The following GALNTL6 variants were observed in gnomAD, a reference collection of about 807,000 sequenced individuals.
The protein encoded by GALNTL6 is polypeptide N-acetylgalactosaminyltransferase like 6.
Under a neutral mutation model 73.7 loss-of-function variants are expected in GALNTL6, and 46 were observed. The ratio of observed to expected loss-of-function variants is 0.62; its 90% CI spans 0.49 to 0.80. The LOEUF (loss-of-function observed/expected upper bound fraction) is 0.80. Ranked by LOEUF, GALNTL6 falls within the 30% of genes least tolerant of loss-of-function variation. GALNTL6 has a pLI of 0.00. For synonymous variants in GALNTL6, 259 were observed against 263.7 expected (o/e 0.98, Z 0.17); for missense variants, 604 against 755.0 (o/e 0.80, Z 2.34).
intron 2 of GALNTL6, among the ~76,000 whole-genome samples, chr4:171,824,211 T>A (rs113528404): frequency 1.1e-4 from 17 of 151,486 alleles, no homozygotes; most frequent in African/African-American, 4.1e-4. Flanking sequence ...TGAGATTATA[T>A]GAAGTTCACC....
At chr4:172,788,685 A>AG (rs1739818708) in intron 5 of GALNTL6, among the ~76,000 whole-genome samples, 1 of 151,506 alleles carries the variant, frequency 6.6e-6, no homozygotes, top group African/African-American at 2.4e-5. Context: ...AAAAAAAAAA[A>AG]AAAAAAGATA....
chr4:172,273,830 C>T (rs1032266032), intron 3 of GALNTL6, among the ~76,000 whole-genome samples: 6 of 152,084 alleles, frequency 3.9e-5, no homozygotes, highest in African/African-American at 1.2e-4. Flanking sequence ...GAGCTTCTCC[C>T]GTGGGCAAAG....
chr4:172,497,239 C>A (rs1007593433), intron 5 of GALNTL6, among the ~76,000 whole-genome samples: 2 of 152,160 alleles, frequency 1.3e-5, no homozygotes, highest in African/African-American at 4.8e-5. Context: ...TTATTGAATT[C>A]AATGAAGAGT....
rs896084688 is a variant in GALNTL6 at position 172,877,314 on chromosome 4, CT to C, written c.924-5468del. On this transcript the variant is annotated intron_variant, in intron 7 of 12. Transcript: ENST00000506823. ...AGAGAAATTTTTAATTAAACTCCAC[CT>C]TTTTTTTCATTTATGGCATAAAGAG... is the stretch of plus-strand genomic sequence containing the variant. Among the ~76,000 whole-genome samples, 8 of 151,736 alleles carry C rather than the reference CT, an allele frequency of 5.3e-5. No homozygotes were observed. The South Asian group carries it at 1.7e-3, about 32-fold the overall frequency.
intron 2 of GALNTL6, among the ~76,000 whole-genome samples, chr4:171,986,653 A>C (rs1297523451): frequency 6.6e-6 from 1 of 152,036 alleles, no homozygotes; most frequent in Non-Finnish European, 1.5e-5. Context: ...TTTTGTGGTA[A>C]GGGGTGATCT....
intron 7 of GALNTL6, among the ~76,000 whole-genome samples, chr4:172,863,053 G>T (rs1744478663): frequency 6.6e-6 from 1 of 152,228 alleles, no homozygotes; most frequent in Non-Finnish European, 1.5e-5. Context: ...TGTTGAGCCT[G>T]CAGGTGCACA....
chr4:171,877,725 C>T (rs1188737332), intron 2 of GALNTL6, among the ~76,000 whole-genome samples: 2 of 151,900 alleles, frequency 1.3e-5, no homozygotes, highest in Admixed American at 6.6e-5. Context: ...TTTCCGGAAA[C>T]GGAACTGCTT....
intron 5 of GALNTL6, among the ~76,000 whole-genome samples, chr4:172,722,764 T>A (rs1320180120): frequency 6.6e-6 from 1 of 152,216 alleles, no homozygotes; most frequent in Admixed American, 6.5e-5. Flanking sequence ...AAATATATTC[T>A]TTTGAATTTG....
chr4:172,773,095 G>A (rs1738870081), intron 5 of GALNTL6, among the ~76,000 whole-genome samples: 1 of 152,184 alleles, frequency 6.6e-6, no homozygotes, highest in South Asian at 2.1e-4. Flanking sequence ...TAGTCACAAA[G>A]GGGGTTAGGA....
chr4:172,420,478 ATGAATGTAACTACATAT>A (rs1731012339), intron 5 of GALNTL6, among the ~76,000 whole-genome samples: 1 of 152,174 alleles, frequency 6.6e-6, no homozygotes, highest in Non-Finnish European at 1.5e-5. Flanking sequence ...GTGATTTAGT[ATGAATGTAACTACATAT>A]GGAGAGTAAT....
intron 5 of GALNTL6, among the ~76,000 whole-genome samples, chr4:172,582,680 G>A (rs78639004): frequency 0.073 from 11,026 of 151,532 alleles, 544 homozygotes; most frequent in East Asian, 0.21. Flanking sequence ...AGATAAAAAG[G>A]CATCACTAAA....
At chr4:172,269,540 A>G (rs1230702889) in intron 3 of GALNTL6, among the ~76,000 whole-genome samples, 2 of 152,188 alleles carry the variant, frequency 1.3e-5, no homozygotes, top group African/African-American at 2.4e-5. Flanking sequence ...AAAGAGACAC[A>G]GGAGAGAAGC....
chr4:171,923,647 C>T (rs1031823570), intron 2 of GALNTL6, among the ~76,000 whole-genome samples: 6 of 150,304 alleles, frequency 4.0e-5, no homozygotes, highest in Non-Finnish European at 8.9e-5. Flanking sequence ...ACCTTGTGAT[C>T]CACCCGCCTT....
At chr4:171,870,886 A>G (rs1374862008) in intron 2 of GALNTL6, among the ~76,000 whole-genome samples, 1 of 152,130 alleles carries the variant, frequency 6.6e-6, no homozygotes, top group Non-Finnish European at 1.5e-5. Context: ...GACCCTGCTG[A>G]TACTTCAGTC....
At chr4:171,996,272 A>G (rs1740480485) in intron 2 of GALNTL6, among the ~76,000 whole-genome samples, 1 of 152,140 alleles carries the variant, frequency 6.6e-6, no homozygotes, top group Non-Finnish European at 1.5e-5. Flanking sequence ...TTATTTTCTA[A>G]TGTGCATTTC....
At chr4:172,966,435 C>T (rs1750329366) in intron 10 of GALNTL6, among the ~76,000 whole-genome samples, 1 of 150,684 alleles carries the variant, frequency 6.6e-6, no homozygotes, top group Non-Finnish European at 1.5e-5. Context: ...TGCTCTGTCA[C>T]GCAGGCTGGA....
chr4:172,404,163 G>T (rs1240486115), intron 5 of GALNTL6, among the ~76,000 whole-genome samples: 1 of 151,516 alleles, frequency 6.6e-6, no homozygotes, highest in Non-Finnish European at 1.5e-5. Context: ...CTTAAAATAA[G>T]GTTGCCAGAT....
intron 2 of GALNTL6, among the ~76,000 whole-genome samples, chr4:172,207,513 G>C (rs1239368889): frequency 6.6e-6 from 1 of 152,136 alleles, no homozygotes; most frequent in Non-Finnish European, 1.5e-5. Flanking sequence ...TATTTGGGAA[G>C]CCTTTCCTGA....
chr4:172,971,073 C>T (rs577727997), intron 10 of GALNTL6, among the ~76,000 whole-genome samples: 1 of 152,286 alleles, frequency 6.6e-6, no homozygotes, highest in Admixed American at 6.5e-5. Context: ...TCCCTGACTT[C>T]CTGCAACAAT....
Sources: gnomAD v4.1 joint callset for allele counts (sites outside exome capture counted in the v4.1 genomes callset) on GRCh38, gnomAD v4.1.1 for gene constraint, MANE v1.5 for transcripts, NCBI Gene and HGNC (gene_info 2026-07-23, HGNC 2026-07-21) for gene names.